TENM4: variants seen among roughly 807,000 people sequenced by gnomAD.
TENM4 encodes the protein teneurin-4.
In TENM4, 82 loss-of-function variants were observed where a neutral mutation model predicts 243.3. The ratio of observed to expected loss-of-function variants is 0.34; its 90% CI spans 0.28 to 0.40. TENM4 has a LOEUF of 0.40. TENM4 is among the 10% of genes least tolerant of loss of function. The probability of loss-of-function intolerance (pLI) is 1.00; values close to 1 mark genes in which losing one functional copy is unlikely to be tolerated. For synonymous variants in TENM4, 1,412 were observed against 1,456.3 expected, an observed-to-expected ratio of 0.97 and a Z score of 0.69; for missense variants, 3,138 against 3,673.3, an observed-to-expected ratio of 0.85 and a Z score of 3.77.
intron 19 of TENM4, among the ~76,000 whole-genome samples, chr11:78,751,752 G>A (rs777643934): frequency 1.3e-5 from 2 of 152,152 alleles, no homozygotes; most frequent in Non-Finnish European, 2.9e-5. Flanking sequence ...GCTCTGGCTC[G>A]AGTGCTTGCC....
chr11:78,864,525 T>C (rs1858914323), intron 9 of TENM4, among the ~76,000 whole-genome samples: 1 of 134,490 alleles, frequency 7.4e-6, no homozygotes, highest in Non-Finnish European at 1.6e-5. Flanking sequence ...AAAGAGACCA[T>C]AAGGCGCAAA....
intron 3 of TENM4, 135 bp downstream of exon 3, chr11:79,215,673 A>T: frequency 2.5e-6 from 2 of 789,130 alleles, no homozygotes; most frequent in Non-Finnish European, 3.1e-6. Context: ...GAACTCCTCT[A>T]CTTTCTATGC....
intron 9 of TENM4, among the ~76,000 whole-genome samples, 157 bp downstream of exon 9, chr11:78,889,628 C>T (rs534299601): frequency 1.3e-5 from 2 of 152,336 alleles, no homozygotes; most frequent in Admixed American, 1.3e-4. Context: ...CTTGCAGTGT[C>T]AGGGGTGCAG....
chr11:79,425,418 T>C (rs761221853), intron 1 of TENM4, among the ~76,000 whole-genome samples: 1 of 152,120 alleles, frequency 6.6e-6, no homozygotes, highest in Non-Finnish European at 1.5e-5. Flanking sequence ...TCTCCCCACA[T>C]CCCTAGCACA....
At chr11:79,211,990 TG>T (rs929078437) in intron 3 of TENM4, among the ~76,000 whole-genome samples, 2 of 152,200 alleles carry the variant, frequency 1.3e-5, no homozygotes, top group African/African-American at 4.8e-5. Flanking sequence ...AGTTAATTTT[TG>T]TATATGGTGT....
At chr11:79,344,638 T>A (rs367995655) in intron 1 of TENM4, among the ~76,000 whole-genome samples, 156 of 152,318 alleles carry the variant, frequency 1.0e-3, no homozygotes, top group African/African-American at 3.5e-3. Flanking sequence ...AGTCTCAGAA[T>A]CCTTCCCTGT....
At chr11:79,431,362 T>C (rs560839114) in intron 1 of TENM4, among the ~76,000 whole-genome samples, 1 of 152,352 alleles carries the variant, frequency 6.6e-6, no homozygotes, top group African/African-American at 2.4e-5. Context: ...TTCCACCCAA[T>C]TGTTTACCTT....
intron 21 of TENM4, among the ~76,000 whole-genome samples, chr11:78,729,908 T>A (rs1268152524): frequency 1.3e-5 from 2 of 152,090 alleles, no homozygotes; most frequent in African/African-American, 4.8e-5. Context: ...ACCTGGTATC[T>A]GGGGCCAGTT....
At chr11:78,742,886 G>A (rs1565359502) in intron 19 of TENM4, among the ~76,000 whole-genome samples, 1 of 152,172 alleles carries the variant, frequency 6.6e-6, no homozygotes, top group Non-Finnish European at 1.5e-5. Context: ...GTGGTGGCAA[G>A]AGCACTAGGC....
intron 2 of TENM4, among the ~76,000 whole-genome samples, chr11:79,295,825 T>C (rs1856440001): frequency 6.6e-6 from 1 of 150,708 alleles, no homozygotes; most frequent in African/African-American, 2.4e-5. Context: ...AAAGCCCATT[T>C]CTAGGTCTTG....
At chr11:78,870,163 G>GCAA (rs1859086155) in intron 9 of TENM4, among the ~76,000 whole-genome samples, 2 of 152,232 alleles carry the variant, frequency 1.3e-5, no homozygotes, top group South Asian at 4.1e-4. Context: ...GATTGAATGA[G>GCAA]ATAATGTAAT....
In TENM4 at chr11:78,756,945, G is replaced by C; in HGVS notation, c.2616C>G (p.Ser872=). Residue 872 remains serine, a synonymous_variant, in exon 19 of 34, where the codon TCC becomes TCG. Coordinates refer to ENST00000278550, the MANE Select transcript of TENM4 (RefSeq NM_001098816.3). ...CCTGGATGATGTCCAGAGGGTTAGGGGAGCCAAGGCACAGCGGGTTGATAT... is the reference window on the plus strand; with the variant it reads ...CCTGGATGATGTCCAGAGGGTTAGGCGAGCCAAGGCACAGCGGGTTGATAT... ...LCHINPLCLG[S]PNPLDIIQET... 1 of 1,614,000 alleles carries C rather than the reference G, an allele frequency of 6.2e-7. No individual in the cohort carries two copies. Among genetic ancestry groups the C allele is most frequent in the East Asian group, 2.2e-5 (1 of 44,876 alleles).
intron 26 of TENM4, among the ~76,000 whole-genome samples, chr11:78,709,952 G>A (rs890411492): frequency 6.6e-6 from 1 of 152,198 alleles, no homozygotes; most frequent in African/African-American, 2.4e-5. Context: ...GATGAGACAT[G>A]GCCCTGGGCA....
intron 32 of TENM4, among the ~76,000 whole-genome samples, chr11:78,668,366 G>C (rs780771912): frequency 6.6e-6 from 1 of 152,124 alleles, no homozygotes; most frequent in Admixed American, 6.5e-5. Flanking sequence ...TTCAATTTAC[G>C]TATCAGGAAA....
intron 6 of TENM4, among the ~76,000 whole-genome samples, chr11:78,934,972 A>G (rs1016793068): frequency 6.8e-5 from 8 of 117,682 alleles, no homozygotes; most frequent in South Asian, 5.9e-4. Context: ...ATTTCTGTGC[A>G]TTTTGTGAGT....
chr11:78,755,596 G>T (rs150677532), intron 19 of TENM4, among the ~76,000 whole-genome samples: 1 of 152,084 alleles, frequency 6.6e-6, no homozygotes. Context: ...ACATTTACTC[G>T]TGGGTGGCCT....
rs1321794105 is a variant in TENM4, at chr11:78,658,420, A to T, written c.7948T>A (p.Ser2650Thr). 6 of 1,613,556 alleles carry T rather than the reference A, an allele frequency of 3.7e-6. No individual in the cohort carries two copies. Among genetic ancestry groups the T allele is most frequent in the Non-Finnish European group, 1.7e-6 (2 of 1,179,780 alleles). ...TLENGVNVTV[S>T]QINTVLNGRT... ...CCATTAAGTACTGTGTTGATCTGGG[A>T]CACAGTGACGTTGACCCCATTCTCC... Residue 2650 changes from serine to threonine, a missense_variant, in exon 34 of 34, where the codon TCC becomes ACC. Around this residue, in one of 2 missense-constraint regions of TENM4, gnomAD observed 2,467 missense variants for 3,059.1 expected, o/e 0.81. Coordinates refer to ENST00000278550, the MANE Select transcript of TENM4 (RefSeq NM_001098816.3).
intron 4 of TENM4, among the ~76,000 whole-genome samples, chr11:79,100,876 C>T (rs907317065): frequency 5.9e-5 from 9 of 152,280 alleles, no homozygotes; most frequent in Non-Finnish European, 1.2e-4. Flanking sequence ...AAGGAGTCTG[C>T]CTGTGTCCTC....
At chr11:78,670,674 T>C (rs1380913314) in intron 31 of TENM4, 123 bp from the exon 32 acceptor site, 6 of 986,256 alleles carry the variant, frequency 6.1e-6, no homozygotes, top group African/African-American at 1.6e-5. Flanking sequence ...TCCATGGTTC[T>C]CTTGAGTTAT....
Sources: gnomAD v4.1 joint callset for allele counts (sites outside exome capture counted in the v4.1 genomes callset) on GRCh38, gnomAD v4.1.1 for gene constraint, gnomAD v4.1.1 regional missense constraint, MANE v1.5 for transcripts, NCBI Gene and HGNC (gene_info 2026-07-23, HGNC 2026-07-21) for gene names.